Variants in CAST observed in about 807,000 individuals in gnomAD.
CAST encodes calpastatin.
Under a neutral mutation model 119.6 loss-of-function variants are expected in CAST, and 76 were observed. That is an observed-to-expected ratio of 0.64 (90% CI 0.53 to 0.77). The LOEUF is 0.77. Ranked by LOEUF, CAST falls within the 30% of genes least tolerant of loss-of-function variation. The probability of loss-of-function intolerance (pLI) is 0.00; values close to 1 mark genes in which losing one functional copy is unlikely to be tolerated. For synonymous variants in CAST, 319 were observed against 331.6 expected (o/e 0.96, Z 0.41); for missense variants, 953 against 946.5 (o/e 1.01, Z -0.09).
At chr5:96,642,209 A>G (rs1747958824) in intron 1 of CAST, among the ~76,000 whole-genome samples, 1 of 152,224 alleles carries the variant, frequency 6.6e-6, no homozygotes, top group Admixed American at 6.5e-5. Context: ...GATCCCTGTC[A>G]TAACTGTTTA....
rs751205447 is a variant in CAST at position 96,705,185 on chromosome 5, C to T, written c.210+9278C>T. On this transcript the variant is annotated intron_variant, in intron 3 of 31. Coordinates refer to ENST00000675179, the MANE Select transcript of CAST (RefSeq NM_001750.7). ...AAATTTAAAAATTAGGGCATGGTGG[C>T]GTGCACCTATGTGGCCCCAGCTACT... 7.9e-5 allele frequency among the ~76,000 whole-genome samples: 12 copies of T among 152,072 alleles called. No individual in the cohort carries two copies. In the South Asian group the frequency reaches 1.7e-3, roughly 21 times the overall value.
the CAST span, among the ~76,000 whole-genome samples, chr5:96,237,196 T>C: frequency 2.6e-5 from 4 of 152,290 alleles, no homozygotes; most frequent in East Asian, 3.9e-4. Context: ...CTTTGTGTTA[T>C]GGGCTTAGGT....
chr5:96,568,619 ATACT>A, intron 1 of CAST, among the ~76,000 whole-genome samples: 1 of 151,394 alleles, frequency 6.6e-6, no homozygotes, highest in Non-Finnish European at 1.5e-5. Context: ...TATATCTTTA[ATACT>A]GAGGGAGTTT....
chr5:96,470,752 A>G, the CAST span, among the ~76,000 whole-genome samples: 1 of 152,122 alleles, frequency 6.6e-6, no homozygotes, highest in Non-Finnish European at 1.5e-5. Context: ...TCTTTTACAG[A>G]GACTTACCTT....
the CAST span, among the ~76,000 whole-genome samples, chr5:96,116,895 T>C: frequency 6.6e-6 from 1 of 152,212 alleles, no homozygotes; most frequent in Non-Finnish European, 1.5e-5. Flanking sequence ...TGCATTTTTA[T>C]TTTATTTTTA....
chr5:96,043,057 A>C, the CAST span, among the ~76,000 whole-genome samples: 1 of 152,180 alleles, frequency 6.6e-6, no homozygotes, highest in Admixed American at 6.5e-5. Context: ...AAAGTCTTAA[A>C]ATTTATAAAA....
At chr5:96,629,325 G>A (rs1052156534) in intron 1 of CAST, among the ~76,000 whole-genome samples, 3 of 152,234 alleles carry the variant, frequency 2.0e-5, no homozygotes, top group South Asian at 4.1e-4. Context: ...ACCATGAGCT[G>A]AATAAACTTC....
the CAST span, among the ~76,000 whole-genome samples, chr5:96,019,750 T>G: frequency 6.6e-6 from 1 of 152,216 alleles, no homozygotes; most frequent in Admixed American, 6.5e-5. Context: ...TAAGTTTCTA[T>G]ATAATAAGCT....
At chr5:96,449,482 G>A in the CAST span, among the ~76,000 whole-genome samples, 2 of 152,112 alleles carry the variant, frequency 1.3e-5, no homozygotes, top group African/African-American at 4.8e-5. Flanking sequence ...ACCATCCATG[G>A]AAAAATTGTC....
chr5:96,405,149 T>C, the CAST span, among the ~76,000 whole-genome samples: 1 of 152,204 alleles, frequency 6.6e-6, no homozygotes, highest in Non-Finnish European at 1.5e-5. Flanking sequence ...AACCTCTATG[T>C]ACCTTGGCAG....
At chr5:96,399,149 TC>T in the CAST span, 4 of 760,756 alleles carry the variant, frequency 5.3e-6, no homozygotes, top group Admixed American at 6.2e-5. Flanking sequence ...TTTTTGTCAC[TC>T]CCTGTGATGT....
chr5:96,235,813 C>T, the CAST span, among the ~76,000 whole-genome samples: 1 of 152,158 alleles, frequency 6.6e-6, no homozygotes. Context: ...TTTGAAGTCA[C>T]TCAGGAGCCG....
chr5:96,565,418 A>C (rs1232336384), intron 1 of CAST, among the ~76,000 whole-genome samples: 3 of 152,198 alleles, frequency 2.0e-5, no homozygotes, highest in Admixed American at 2.0e-4. Context: ...TAAAAAGATA[A>C]AACAAGTAGT....
intron 1 of CAST, among the ~76,000 whole-genome samples, chr5:96,629,197 G>A (rs1056991704): frequency 1.3e-5 from 2 of 152,198 alleles, no homozygotes; most frequent in East Asian, 1.9e-4. Flanking sequence ...GATATAAAGC[G>A]AGTCCAGCCT....
chr5:96,169,921 A>T, the CAST span, among the ~76,000 whole-genome samples: 3 of 152,162 alleles, frequency 2.0e-5, no homozygotes, highest in Admixed American at 6.5e-5. Context: ...GTATTGTCTA[A>T]GTTGGCACCA....
At chr5:96,063,769 C>T in the CAST span, among the ~76,000 whole-genome samples, 1 of 152,146 alleles carries the variant, frequency 6.6e-6, no homozygotes, top group Non-Finnish European at 1.5e-5. Flanking sequence ...GTGTCATTCC[C>T]AATTTACAGA....
At chr5:96,741,855 G>A (rs1407930015) in intron 15 of CAST, 1 of 316,532 alleles carries the variant, frequency 3.2e-6, no homozygotes, top group East Asian at 6.1e-5. Flanking sequence ...AGAAACCAGA[G>A]AAATTGCACT....
chr5:96,492,802 G>T, the CAST span, among the ~76,000 whole-genome samples: 8 of 152,206 alleles, frequency 5.3e-5, no homozygotes. Context: ...TCTATGTCTG[G>T]CTAAAGAGAG....
the CAST span, among the ~76,000 whole-genome samples, chr5:96,359,840 T>G: frequency 1.3e-5 from 2 of 152,278 alleles, no homozygotes; most frequent in South Asian, 4.2e-4. Context: ...AGAGTAACTT[T>G]GTGGCGTTCT....
Sources: allele counts gnomAD v4.1 joint callset (sites outside exome capture counted in the v4.1 genomes callset), GRCh38; gene constraint gnomAD v4.1.1; transcripts MANE v1.5; gene names NCBI Gene and HGNC (gene_info 2026-07-23, HGNC 2026-07-21).